Variants in CTNND2 observed in about 807,000 individuals in gnomAD.
CTNND2 encodes the protein catenin delta-2.
In CTNND2, 22 loss-of-function variants were observed where a neutral mutation model predicts 144.4. The observed-to-expected ratio is 0.15, with a 90% CI of 0.11 to 0.22. The LOEUF (loss-of-function observed/expected upper bound fraction) is 0.22. CTNND2 is among the 10% of genes least tolerant of loss of function. The pLI is 1.00. For missense variants in CTNND2, 1,353 were observed against 1,618.8 expected, an observed-to-expected ratio of 0.84 and a Z score of 2.82; for synonymous variants, 751 against 695.6, an observed-to-expected ratio of 1.08 and a Z score of -1.25.
chr5:11,330,619 T>C (rs1238422873), intron 9 of CTNND2, among the ~76,000 whole-genome samples: 1 of 147,428 alleles, frequency 6.8e-6, no homozygotes. Flanking sequence ...AGGTCAGGAG[T>C]TCCAGTCCAG....
At chr5:11,400,784 T>C (rs529140054) in intron 5 of CTNND2, among the ~76,000 whole-genome samples, 26 of 152,352 alleles carry the variant, frequency 1.7e-4, no homozygotes, top group South Asian at 8.3e-4. Context: ...ATGATCTTCA[T>C]TTTTGTCCTA....
At chr5:11,541,528 T>C (rs1467366362) in intron 3 of CTNND2, among the ~76,000 whole-genome samples, 1 of 152,116 alleles carries the variant, frequency 6.6e-6, no homozygotes, top group Admixed American at 6.5e-5. Flanking sequence ...TGAAACTTAG[T>C]GAAAAGCCTG....
rs188264692 is a variant in CTNND2 at position 11,504,608 on chromosome 5, G to A, written c.287+60336C>T. On this transcript the variant is annotated intron_variant, in intron 3 of 21. Transcript: ENST00000304623. ...CCAAGATGGTTGGGGCCAGGCCAGC[G>A]ATTGGGCATGGAAAAGTCTTCCTGG... 9.9e-5 allele frequency among the ~76,000 whole-genome samples: 15 copies of A among 152,266 alleles called. No homozygotes were observed. The East Asian group carries it at 1.9e-3, about 20-fold the overall frequency.
At chr5:11,063,991 C>T (rs10474673) in intron 16 of CTNND2, among the ~76,000 whole-genome samples, 3,572 of 152,198 alleles carry the variant, frequency 0.023, 152 homozygotes, top group African/African-American at 0.082. Context: ...AGAGATCCTC[C>T]GAAAGAACAG....
At chr5:11,026,925 G>C (rs1465212233) in intron 16 of CTNND2, among the ~76,000 whole-genome samples, 1 of 152,044 alleles carries the variant, frequency 6.6e-6, no homozygotes, top group Non-Finnish European at 1.5e-5. Flanking sequence ...ATAACACAGA[G>C]GGTAGTAAAA....
At chr5:11,091,152 A>G (rs1750729251) in intron 15 of CTNND2, among the ~76,000 whole-genome samples, 1 of 152,038 alleles carries the variant, frequency 6.6e-6, no homozygotes. Flanking sequence ...GTCTACATAT[A>G]GCGGGTGCCA....
At chr5:11,681,085 A>G (rs1008333115) in intron 2 of CTNND2, among the ~76,000 whole-genome samples, 6 of 152,192 alleles carry the variant, frequency 3.9e-5, no homozygotes, top group African/African-American at 1.4e-4. Context: ...ACAGAATGAG[A>G]TGCGAAGAAG....
At chr5:11,805,520 C>A (rs1302207808) in intron 1 of CTNND2, among the ~76,000 whole-genome samples, 1 of 149,854 alleles carries the variant, frequency 6.7e-6, no homozygotes, top group African/African-American at 2.5e-5. Flanking sequence ...TAAGGAAGTA[C>A]AAATAAATAA....
chr5:11,878,445 T>C (rs1460468714), intron 1 of CTNND2, among the ~76,000 whole-genome samples: 1 of 152,228 alleles, frequency 6.6e-6, no homozygotes, highest in Non-Finnish European at 1.5e-5. Context: ...ATAGCATTTG[T>C]ACCTTCAGTT....
intron 2 of CTNND2, among the ~76,000 whole-genome samples, chr5:11,669,669 C>G (rs892667288): frequency 6.7e-6 from 1 of 148,794 alleles, no homozygotes; most frequent in African/African-American, 2.5e-5. Context: ...CTCATTAGTC[C>G]TATTTTGTTG....
At chr5:11,291,391 T>C (rs927537291) in intron 9 of CTNND2, among the ~76,000 whole-genome samples, 4 of 152,172 alleles carry the variant, frequency 2.6e-5, no homozygotes, top group Non-Finnish European at 4.4e-5. Flanking sequence ...TTTTCTCCTA[T>C]TCATTGGTCC....
At chr5:11,001,339 A>G (rs911862809) in intron 18 of CTNND2, among the ~76,000 whole-genome samples, 1 of 152,164 alleles carries the variant, frequency 6.6e-6, no homozygotes, top group African/African-American at 2.4e-5. Flanking sequence ...TAATGCAACC[A>G]GTTTTCTTTC....
chr5:11,596,460 A>G (rs1400559893), intron 2 of CTNND2, among the ~76,000 whole-genome samples: 1 of 152,242 alleles, frequency 6.6e-6, no homozygotes, highest in Non-Finnish European at 1.5e-5. Flanking sequence ...ATGACTAAGC[A>G]TTTTAAGTTC....
intron 2 of CTNND2, among the ~76,000 whole-genome samples, chr5:11,731,754 C>A (rs2126741231): frequency 6.6e-6 from 1 of 152,228 alleles, no homozygotes; most frequent in South Asian, 2.1e-4. Context: ...CATTTACTGT[C>A]ATATATATTT....
At chr5:11,593,604 T>C (rs527324278) in intron 2 of CTNND2, among the ~76,000 whole-genome samples, 1 of 152,296 alleles carries the variant, frequency 6.6e-6, no homozygotes, top group East Asian at 1.9e-4. Context: ...AGTGAATAAG[T>C]CTCAGGAGAT....
chr5:10,996,381 C>T (rs186461461), intron 18 of CTNND2, among the ~76,000 whole-genome samples: 49 of 148,256 alleles, frequency 3.3e-4, no homozygotes, highest in African/African-American at 1.1e-3. Context: ...GGGAGGGGAG[C>T]GGAGATCCTT....
chr5:11,168,144 C>T (rs1387149935), intron 11 of CTNND2, among the ~76,000 whole-genome samples: 1 of 152,052 alleles, frequency 6.6e-6, no homozygotes, highest in Non-Finnish European at 1.5e-5. Context: ...AAAATCAAAA[C>T]TCAGATGTAT....
intron 10 of CTNND2, among the ~76,000 whole-genome samples, chr5:11,228,353 C>CA (rs564048343): frequency 0.21 from 5,477 of 26,552 alleles, 1,123 homozygotes; most frequent in East Asian, 0.36. Flanking sequence ...CTCTCTCTCT[C>CA]AAAAAAAAAA....
chr5:11,267,586 G>C (rs992537968), intron 9 of CTNND2, among the ~76,000 whole-genome samples: 1 of 152,102 alleles, frequency 6.6e-6, no homozygotes, highest in Non-Finnish European at 1.5e-5. Context: ...TAACAACGAG[G>C]GAACCAATCT....
Sources: gnomAD v4.1 joint callset for allele counts (sites outside exome capture counted in the v4.1 genomes callset) on GRCh38, gnomAD v4.1.1 for gene constraint, MANE v1.5 for transcripts, NCBI Gene and HGNC (gene_info 2026-07-23, HGNC 2026-07-21) for gene names.